The following HIC1 variants were observed in gnomAD, a reference collection of about 807,000 sequenced individuals.
HIC1 encodes hypermethylated in cancer 1 protein.
In HIC1, 9 loss-of-function variants were observed where a neutral mutation model predicts 26.4. The ratio of observed to expected loss-of-function variants is 0.34; its 90% CI spans 0.21 to 0.59. HIC1 has a LOEUF of 0.59. Ranked by LOEUF, HIC1 falls within the 20% of genes least tolerant of loss-of-function variation. The probability of loss-of-function intolerance (pLI) is 0.82; values close to 1 mark genes in which losing one functional copy is unlikely to be tolerated. For missense variants in HIC1, 965 were observed against 1,075.7 expected, an observed-to-expected ratio of 0.90 and a Z score of 1.44; for synonymous variants, 631 against 523.1, an observed-to-expected ratio of 1.21 and a Z score of -2.81.
rs376178946 is a variant in HIC1 at position 2,056,344 on chromosome 17, C to G, written c.-20-327C>G. ...CCTGAAGCGGACATTTTACTTAAATCGGGTAACTGTCTCCAAAAGGGTCAC... is the reference window on the plus strand; with the variant it reads ...CCTGAAGCGGACATTTTACTTAAATGGGGTAACTGTCTCCAAAAGGGTCAC... On this transcript the variant is annotated intron_variant, in intron 1 of 1. Transcript: ENST00000619757. The G allele has an allele frequency of 4.6e-5, 74 of 1,613,050 alleles. No individual in the cohort carries two copies. Among genetic ancestry groups the G allele is most frequent in the Non-Finnish European group, 6.2e-5 (73 of 1,179,172 alleles).
At chr17:2,056,613 G>C in intron 1 of HIC1, 58 bp from the exon 2 acceptor site, 4 of 1,470,198 alleles carry the variant, frequency 2.7e-6, no homozygotes, top group Non-Finnish European at 3.6e-6. Flanking sequence ...GTGCCGGGCT[G>C]GGGCCAGGCG....
At position 2,056,661 on chromosome 17, in the gene HIC1, G is replaced by T. The variant is rs1290722983; in HGVS notation, c.-20-10G>T. The T allele has an allele frequency of 1.3e-6, 2 of 1,537,490 alleles. No individual in the cohort carries two copies. The highest frequency in any genetic ancestry group is 1.8e-6 in the Non-Finnish European group (2 of 1,138,074). ...CACGGCTCTCACCCGGCCGGTGTGT[G>T]TCCCCGCAGGAGAGTGTGCTGGGCA... On this transcript the variant is annotated splice_polypyrimidine_tract_variant and intron_variant, in intron 1 of 1. Coordinates refer to ENST00000619757, the MANE Select transcript of HIC1 (RefSeq NM_006497.4).
In HIC1 at chr17:2,057,231, G is replaced by A; in HGVS notation, c.541G>A (p.Ala181Thr). Reference protein sequence around the residue: ...PSPVGPPPPPAAEPPSGPEAA... With the variant: ...PSPVGPPPPPTAEPPSGPEAA... ...CCCAGTCGGGCCTCCGCCGCCGCCTGCCGCGGAGCCGCCCTCGGGCCCAGA... is the reference window on the plus strand; with the variant it reads ...CCCAGTCGGGCCTCCGCCGCCGCCTACCGCGGAGCCGCCCTCGGGCCCAGA... Residue 181 changes from alanine (A) to threonine (T), a missense_variant, in exon 2 of 2, where the codon GCC becomes ACC. Ala to Thr is a moderately conservative substitution (Grantham distance 58). This residue lies in a region of HIC1 where 526 missense variants were observed against 525.0 expected (regional missense o/e 1.00). Coordinates refer to ENST00000619757, the MANE Select transcript of HIC1 (RefSeq NM_006497.4). The A allele has an allele frequency of 2.1e-6, 3 of 1,417,814 alleles. No homozygotes were observed. Among genetic ancestry groups the A allele is most frequent in the Admixed American group, 2.9e-5 (1 of 34,166 alleles). 87.8% of individuals were successfully genotyped at this position (1,417,814 alleles called of 1,614,324 possible). A position where few individuals can be genotyped will look rare whatever the true frequency, so the allele number is the denominator to read the frequency against.
At chr17:2,056,265 C>G in intron 1 of HIC1, 1 of 1,564,966 alleles carries the variant, frequency 6.4e-7, no homozygotes, top group Non-Finnish European at 8.8e-7. Context: ...GGCGCTGGTT[C>G]CTCGGCTCCC....
rs1486598627 is a variant in HIC1, at chr17:2,058,634, G to A, written c.1944G>A (p.Lys648=). The part of the protein sequence containing the change: ...AEQLSLKQQD[K]AAAAELLAQT... ...AGCTGAGCCTGAAGCAGCAGGACAAGGCGGCCGCGGCCGAGCTGCTGGCGC... is the reference window on the plus strand; with the variant it reads ...AGCTGAGCCTGAAGCAGCAGGACAAAGCGGCCGCGGCCGAGCTGCTGGCGC... Residue 648 remains lysine, a synonymous_variant, in exon 2 of 2, where the codon AAG becomes AAA. Coordinates refer to ENST00000619757, the MANE Select transcript of HIC1 (RefSeq NM_006497.4). The A allele has an allele frequency of 1.9e-6, 3 of 1,564,238 alleles. No individual in the cohort carries two copies. The highest frequency in any genetic ancestry group is 1.2e-5 in the South Asian group (1 of 85,324).
At position 2,057,930 on chromosome 17, in the gene HIC1, G is replaced by A; in HGVS notation, c.1240G>A (p.Gly414Ser). The A allele has an allele frequency of 6.2e-7, 1 of 1,610,074 alleles. No individual in the cohort carries two copies. The change falls in exon 2 of 2, where the codon GGT becomes AGT. Residue 414 changes from glycine (G) to serine (S), a missense_variant. Transcript: ENST00000619757. ...HLAYGEPESF[G>S]DNLYVCIPCG... ...GGCCTATGGCGAGCCCGAGAGCTTC[G>A]GTGACAACCTGTACGTGTGCATTCC...
At position 2,057,816 on chromosome 17, in the gene HIC1, G is replaced by A; in HGVS notation, c.1126G>A (p.Asp376Asn). The change falls in exon 2 of 2, where the codon GAC (aspartate) becomes AAC (asparagine). Residue 376 changes from aspartate to asparagine, a missense_variant. Asp to Asn is a conservative substitution (Grantham distance 23). Around this residue, in one of 6 missense-constraint regions of HIC1, gnomAD observed 526 missense variants for 525.0 expected, o/e 1.00. Coordinates refer to ENST00000619757, the MANE Select transcript of HIC1 (RefSeq NM_006497.4). ...DGPGAGGDGD[D>N]YKSSSEETGS... ...GCCCGGCGCGGGCGGCGACGGCGAC[G>A]ACTACAAGAGCAGCAGCGAGGAGAC... The A allele has an allele frequency of 6.4e-7, 1 of 1,561,414 alleles. No individual in the cohort carries two copies. The highest frequency in any genetic ancestry group is 8.6e-7 in the Non-Finnish European group (1 of 1,157,354).
In HIC1 at chr17:2,057,562, G is replaced by A; in HGVS notation, c.872G>A (p.Gly291Asp). ...CCGCCTTCCGACCCATTTCGCGGCGGCAGCGGCAGCCCGGGACCCGAGCCC... is the reference window on the plus strand; with the variant it reads ...CCGCCTTCCGACCCATTTCGCGGCGACAGCGGCAGCCCGGGACCCGAGCCC... ...AAPPSDPFRG[G>D]SGSPGPEPPG... The change falls in exon 2 of 2, where the codon GGC becomes GAC. Residue 291 changes from glycine (G) to aspartate (D), a missense_variant. By Grantham distance (94) the Gly-to-Asp change is moderately conservative. Coordinates refer to ENST00000619757, the MANE Select transcript of HIC1 (RefSeq NM_006497.4). 1 of 1,501,224 alleles carries A rather than the reference G, an allele frequency of 6.7e-7. No homozygotes were observed. The highest frequency in any genetic ancestry group is 8.8e-7 in the Non-Finnish European group (1 of 1,130,524). 93.0% of individuals were successfully genotyped at this position (1,501,224 alleles called of 1,614,324 possible).
At chr17:2,056,547 A>T in intron 1 of HIC1, 124 bp from the exon 2 acceptor site, 1 of 1,405,880 alleles carries the variant, frequency 7.1e-7, no homozygotes, top group Non-Finnish European at 9.5e-7. Flanking sequence ...GCCGGTGCCC[A>T]GGCCGCAGGG....
chr17:2,057,741 C>G lies in HIC1; in HGVS notation c.1051C>G (p.Pro351Ala), dbSNP rs182733310. The G allele has an allele frequency of 0.023, 31,947 of 1,387,940 alleles. 545 individuals carry two copies. Among genetic ancestry groups the G allele is most frequent in the South Asian group, 0.059 (3,647 of 61,610 alleles). The allele number at this position is 1,387,940 out of a possible 1,614,324, so 86.0% of individuals were successfully genotyped here. A position where few individuals can be genotyped will look rare whatever the true frequency, so the allele number is the denominator to read the frequency against. The part of the protein sequence containing the change: ...GGDAAVSPGG[P>A]PLGLAPPPRY... ...GGACGCGGCCGTCTCGCCCGGGGGG[C>G]CCCCGCTCGGCCTGGCGCCGCCGCC... Residue 351 changes from proline to alanine, a missense_variant, in exon 2 of 2, where the codon CCC becomes GCC. Physicochemically the swap from Pro to Ala is conservative, Grantham distance 27. Around this residue, in one of 6 missense-constraint regions of HIC1, gnomAD observed 526 missense variants for 525.0 expected, o/e 1.00. Coordinates refer to ENST00000619757, the MANE Select transcript of HIC1 (RefSeq NM_006497.4).
Position 2,061,471 on chromosome 17 carries a change from G to A in HIC1, c.*2636G>A, listed in dbSNP as rs1444205169. On this transcript the variant is annotated 3_prime_UTR_variant, in exon 2 of 2. Transcript: ENST00000619757. ...CCTTTCAGGAACGGTTCCACGGGGGGGGGGCCCCAGTGTGGCTCCCTCAGC... is the reference window on the plus strand; with the variant it reads ...CCTTTCAGGAACGGTTCCACGGGGGAGGGGCCCCAGTGTGGCTCCCTCAGC... 6.4e-7 allele frequency: 1 copy of A among 1,565,376 alleles called. No homozygotes were observed. The highest frequency in any genetic ancestry group is 1.2e-5 in the South Asian group (1 of 86,254).
Position 2,061,418 on chromosome 17 carries a change from C to T in HIC1, c.*2583C>T, listed in dbSNP as rs1235826844. 1 of 1,453,784 alleles carries T rather than the reference C, an allele frequency of 6.9e-7. No homozygotes were observed. The highest frequency in any genetic ancestry group is 1.4e-5 in the African/African-American group (1 of 70,736). 90.1% of individuals were successfully genotyped at this position (1,453,784 alleles called of 1,614,324 possible). A position where few individuals can be genotyped will look rare whatever the true frequency, so the allele number is the denominator to read the frequency against. ...ATTGGTGGCTCAGGCACGTGGGCAT[C>T]TTCCGTGCTACACTGGGCGCCTGGT... On this transcript the variant is annotated 3_prime_UTR_variant, in exon 2 of 2. Transcript: ENST00000619757.
rs145926620 is a variant in HIC1 at position 2,061,465 on chromosome 17, C to CGGGG, written c.*2637_*2640dup. 9 of 1,359,292 alleles carry CGGGG rather than the reference C, an allele frequency of 6.6e-6. No individual in the cohort carries two copies. The highest frequency in any genetic ancestry group is 1.5e-5 in the African/African-American group (1 of 67,068). The allele number at this position is 1,359,292 out of a possible 1,614,324, so 84.2% of individuals were successfully genotyped here. Reference sequence around the variant, plus strand: ...TGGTGGCCTTTCAGGAACGGTTCCACGGGGGGGGGGCCCCAGTGTGGCTCC... The same window carrying CGGGG: ...TGGTGGCCTTTCAGGAACGGTTCCACGGGGGGGGGGGGGGCCCCAGTGTGGCTCC... On this transcript the variant is annotated 3_prime_UTR_variant, in exon 2 of 2. Transcript: ENST00000619757.
rs2067665298 is a variant in HIC1, at chr17:2,055,697, C to T, written c.-21+459C>T. ...GGCGGGCGAGCAGCGGGCAGGGGAG[C>T]TCAGGGCTCGGCTCCGGGCTCTGCC... On this transcript the variant is annotated intron_variant, in intron 1 of 1. Coordinates refer to ENST00000619757, the MANE Select transcript of HIC1 (RefSeq NM_006497.4). The surrounding 1 kb of genome is among the most constrained non-coding windows in gnomAD (Gnocchi z 6.4). Among the ~76,000 whole-genome samples the T allele has an allele frequency of 6.6e-6, 1 of 151,446 alleles. No homozygotes were observed. The highest frequency in any genetic ancestry group is 1.5e-5 in the Non-Finnish European group (1 of 67,746).
Position 2,060,554 on chromosome 17 carries a change from A to C in HIC1, c.*1719A>C, listed in dbSNP as rs1449492386. 6.6e-6 allele frequency: 1 copy of C among 152,346 alleles called. No individual in the cohort carries two copies. The highest frequency in any genetic ancestry group is 1.9e-4 in the East Asian group (1 of 5,190). The allele number at this position is 152,346 out of a possible 1,614,324, so 9.4% of individuals were successfully genotyped here. A position where few individuals can be genotyped will look rare whatever the true frequency, so the allele number is the denominator to read the frequency against. ...CCCCTATGACGAGGAACCGCGGTGA[A>C]GAAATGAAGGGGATCAGGGAGGTGA... On this transcript the variant is annotated 3_prime_UTR_variant, in exon 2 of 2. Coordinates refer to ENST00000619757, the MANE Select transcript of HIC1 (RefSeq NM_006497.4).
rs1567556762 is a variant in HIC1 at position 2,057,476 on chromosome 17, G to C, written c.786G>C (p.Glu262Asp). ...GCGCCGGCCCCGCCGCCTACAAGGA[G>C]CCGCCTCTCGCCCTGCCGTCGCTGC... The part of the protein sequence containing the change: ...PPSAGPAAYK[E>D]PPLALPSLPP... Residue 262 changes from glutamate to aspartate, a missense_variant, in exon 2 of 2, where the codon GAG becomes GAC. Transcript: ENST00000619757. 4.1e-6 allele frequency: 6 copies of C among 1,478,692 alleles called. No homozygotes were observed. Among genetic ancestry groups the C allele is most frequent in the Non-Finnish European group, 5.3e-6 (6 of 1,121,630 alleles). The allele number at this position is 1,478,692 out of a possible 1,614,324, so 91.6% of individuals were successfully genotyped here. A position where few individuals can be genotyped will look rare whatever the true frequency, so the allele number is the denominator to read the frequency against.
intron 1 of HIC1, chr17:2,056,208 C>T (rs913815918): frequency 6.8e-6 from 7 of 1,032,996 alleles, no homozygotes; most frequent in Admixed American, 1.7e-5. Context: ...GCGCTCCCCT[C>T]CTCCGTATCA....
chr17:2,056,279 C>T (rs777445935), intron 1 of HIC1: 1 of 1,603,916 alleles, frequency 6.2e-7, no homozygotes, highest in Non-Finnish European at 8.5e-7. Context: ...GGCTCCCTTT[C>T]TCCCTACTTG....
intron 1 of HIC1, among the ~76,000 whole-genome samples, chr17:2,056,049 G>T (rs2067669190): frequency 8.5e-6 from 1 of 118,202 alleles, no homozygotes. Context: ...TCAGCCTCCT[G>T]CCCCGATATA....
Sources: gnomAD v4.1 joint callset for allele counts (sites outside exome capture counted in the v4.1 genomes callset) on GRCh38, gnomAD v4.1.1 for gene constraint, gnomAD v4.1.1 regional missense constraint, Gnocchi (gnomAD v3.1) non-coding constraint, MANE v1.5 for transcripts, NCBI Gene and HGNC (gene_info 2026-07-23, HGNC 2026-07-21) for gene names.